PARD3B: variants seen among roughly 807,000 people sequenced by gnomAD.
PARD3B encodes the protein partitioning defective 3 homolog B.
In PARD3B, 103 loss-of-function variants were observed where a neutral mutation model predicts 130.2. The observed-to-expected ratio is 0.79, with a 90% CI of 0.67 to 0.93. The LOEUF is 0.93. Among genes scored for constraint, PARD3B ranks in the 40% least tolerant of loss-of-function variants. The pLI is 0.00. For missense variants in PARD3B, 1,609 were observed against 1,499.2 expected (o/e 1.07, Z -1.21); for synonymous variants, 583 against 553.2 (o/e 1.05, Z -0.76).
intron 15 of PARD3B, among the ~76,000 whole-genome samples, chr2:205,198,902 C>T (rs2036838664): frequency 6.6e-6 from 1 of 151,594 alleles, no homozygotes; most frequent in Non-Finnish European, 1.5e-5. Context: ...CTTTTATTGT[C>T]CACCAATAAG....
intron 18 of PARD3B, among the ~76,000 whole-genome samples, chr2:205,335,799 T>C (rs1185319780): frequency 6.6e-6 from 1 of 152,098 alleles, no homozygotes; most frequent in Non-Finnish European, 1.5e-5. Flanking sequence ...TTTAAAACCA[T>C]CAGATCTTGT....
intron 15 of PARD3B, among the ~76,000 whole-genome samples, chr2:205,243,731 A>G (rs1159870779): frequency 6.6e-6 from 1 of 152,176 alleles, no homozygotes; most frequent in Admixed American, 6.5e-5. Flanking sequence ...GGAGTGGTTA[A>G]GAGTGCCATA....
chr2:204,773,252 G>A (rs983051744), intron 2 of PARD3B, among the ~76,000 whole-genome samples: 1 of 151,744 alleles, frequency 6.6e-6, no homozygotes, highest in South Asian at 2.1e-4. Context: ...ACAGTTTAGA[G>A]TCTCTTACGG....
rs144125303 is a variant in PARD3B at position 204,678,126 on chromosome 2, C to G, written c.121-8055C>G. ...GTCCCTGACTCCCTCGCAGGACTTG[C>G]GATGAGGGGTGGCTCCTTTGCAGCC... On this transcript the variant is annotated intron_variant, in intron 1 of 22. Coordinates refer to ENST00000406610, the MANE Select transcript of PARD3B (RefSeq NM_001302769.2). This position sits in a 1 kb window ranked among gnomAD's most constrained non-coding sequence, Gnocchi z 4.2. Among the ~76,000 whole-genome samples, 750 of 152,244 alleles carry G rather than the reference C, an allele frequency of 4.9e-3. 6 individuals are homozygous for G. Among genetic ancestry groups the G allele is most frequent in the African/African-American group, 0.018 (729 of 41,538 alleles).
intron 3 of PARD3B, among the ~76,000 whole-genome samples, chr2:204,990,266 T>A (rs894016360): frequency 2.6e-4 from 39 of 152,050 alleles, no homozygotes; most frequent in Admixed American, 5.2e-4. Flanking sequence ...AAACATTTTT[T>A]TTTTTTTACT....
rs1244374045 is a variant in PARD3B at position 204,742,336 on chromosome 2, CAG to C, written c.222+56056_222+56057del. 2.0e-5 allele frequency among the ~76,000 whole-genome samples: 3 copies of C among 152,028 alleles called. No homozygotes were observed. The East Asian group carries it at 5.8e-4, about 29-fold the overall frequency. ...GCACTGTCTCTGCCATTGTCCTCTCCAGATTTTGAGATAGAAATGAAGAAAAC... is the reference window on the plus strand; with the variant it reads ...GCACTGTCTCTGCCATTGTCCTCTCCATTTTGAGATAGAAATGAAGAAAAC... On this transcript the variant is annotated intron_variant, in intron 2 of 22. Transcript: ENST00000406610.
At chr2:205,132,515 T>C (rs1291137845) in intron 10 of PARD3B, among the ~76,000 whole-genome samples, 3 of 152,136 alleles carry the variant, frequency 2.0e-5, no homozygotes, top group East Asian at 3.9e-4. Flanking sequence ...AGATATCTAC[T>C]TATAGGTCAT....
chr2:204,613,846 A>G (rs1289437255), intron 1 of PARD3B, among the ~76,000 whole-genome samples: 1 of 151,866 alleles, frequency 6.6e-6, no homozygotes, highest in African/African-American at 2.4e-5. Flanking sequence ...ATCTTTCCTT[A>G]GGGTTATTTA....
At chr2:204,625,569 C>G (rs368027999) in intron 1 of PARD3B, among the ~76,000 whole-genome samples, 4 of 152,184 alleles carry the variant, frequency 2.6e-5, no homozygotes, top group African/African-American at 7.2e-5. Flanking sequence ...CAGCTGATTT[C>G]AGATCTCTCT....
intron 2 of PARD3B, among the ~76,000 whole-genome samples, chr2:204,825,973 T>G (rs1432005339): frequency 2.6e-5 from 4 of 152,184 alleles, no homozygotes; most frequent in Non-Finnish European, 5.9e-5. Context: ...TCCTAAAGGC[T>G]CAACCTCCTT....
At chr2:204,557,431 T>G (rs1470960734) in intron 1 of PARD3B, among the ~76,000 whole-genome samples, 1 of 152,212 alleles carries the variant, frequency 6.6e-6, no homozygotes, top group East Asian at 1.9e-4. Flanking sequence ...AAATTTCCTT[T>G]GATGCTTTGA....
intron 1 of PARD3B, among the ~76,000 whole-genome samples, chr2:204,593,349 G>A (rs898342017): frequency 5.3e-5 from 8 of 152,100 alleles, no homozygotes; most frequent in African/African-American, 1.9e-4. Flanking sequence ...GGGGGCTTGC[G>A]CATGGAGCAA....
Position 205,245,780 on chromosome 2 carries a change from C to G in PARD3B, c.2143C>G (p.Pro715Ala), listed in dbSNP as rs138279801. ...TCTCTTTTATTTCTTCTCCTCAGTG[C>G]CAGATGAAAGCAAGGTTCACTCATT... ...LKASKSMDLV[P>A]DESKVHSLAG... Residue 715 changes from proline to alanine, a missense_variant and splice_region_variant, in exon 16 of 23, where the codon CCA (proline) becomes GCA (alanine). Transcript: ENST00000406610. 9.1e-5 allele frequency: 145 copies of G among 1,599,204 alleles called. 1 individual carries two copies. The African/African-American group carries it at 1.8e-3, about 20-fold the overall frequency.
At chr2:205,455,959 C>T (rs1303332614) in intron 20 of PARD3B, among the ~76,000 whole-genome samples, 1 of 152,064 alleles carries the variant, frequency 6.6e-6, no homozygotes, top group Non-Finnish European at 1.5e-5. Context: ...TTTCCCCATC[C>T]CTAACTCTTG....
chr2:204,803,354 C>T (rs910999121), intron 2 of PARD3B, among the ~76,000 whole-genome samples: 22 of 151,888 alleles, frequency 1.4e-4, no homozygotes, highest in African/African-American at 4.6e-4. Context: ...ATACAAACCT[C>T]ACTGGTAATC....
chr2:205,535,137 A>T (rs1286405899), intron 21 of PARD3B, among the ~76,000 whole-genome samples: 2 of 152,118 alleles, frequency 1.3e-5, no homozygotes, highest in Admixed American at 6.5e-5. Context: ...TCATGTTTCC[A>T]CCAGAGGATA....
At chr2:205,072,121 T>C (rs771068248) in intron 4 of PARD3B, among the ~76,000 whole-genome samples, 216 of 152,302 alleles carry the variant, frequency 1.4e-3, no homozygotes, top group Non-Finnish European at 2.7e-3. Flanking sequence ...TTGACGATGG[T>C]ATTCCTGTCA....
Position 205,591,749 on chromosome 2 carries a change from A to G in PARD3B, c.3261-23707A>G, listed in dbSNP as rs957434904. On this transcript the variant is annotated intron_variant, in intron 22 of 22. Transcript: ENST00000406610. This position sits in a 1 kb window ranked among gnomAD's most constrained non-coding sequence, Gnocchi z 4.2. ...CAAGGAGGGAATCAGGAGGGACCCC[A>G]GTCAGATGAGATAAAAAGAGAAGGT... Among the ~76,000 whole-genome samples the G allele has an allele frequency of 3.3e-5, 5 of 152,202 alleles. No individual in the cohort carries two copies. The highest frequency in any genetic ancestry group is 7.3e-5 in the Non-Finnish European group (5 of 68,030).
rs1356233160 is a variant in PARD3B, at chr2:205,105,394, T to A, written c.593+880T>A. On this transcript the variant is annotated intron_variant, in intron 5 of 22. Coordinates refer to ENST00000406610, the MANE Select transcript of PARD3B (RefSeq NM_001302769.2). The surrounding 1 kb of genome is among the most constrained non-coding windows in gnomAD (Gnocchi z 4.0). ...TTCAAATTTGGCATAAGGAAAATAA[T>A]TTCATATTTAATAGATGGTTACTTC... Among the ~76,000 whole-genome samples, 3 of 152,172 alleles carry A rather than the reference T, an allele frequency of 2.0e-5. No individual in the cohort carries two copies. Among genetic ancestry groups the A allele is most frequent in the Non-Finnish European group, 4.4e-5 (3 of 68,038 alleles).
Sources: allele counts gnomAD v4.1 joint callset (sites outside exome capture counted in the v4.1 genomes callset), GRCh38; gene constraint gnomAD v4.1.1; non-coding constraint Gnocchi (gnomAD v3.1); transcripts MANE v1.5; gene names NCBI Gene and HGNC (gene_info 2026-07-23, HGNC 2026-07-21).